Variants in GBF1 observed in about 807,000 individuals in gnomAD.
GBF1 encodes the protein golgi brefeldin A resistant guanine nucleotide exchange factor 1.
In GBF1, 114 loss-of-function variants were observed where a neutral mutation model predicts 210.5. The ratio of observed to expected loss-of-function variants is 0.54; its 90% CI spans 0.47 to 0.63. The LOEUF is 0.63. Among genes scored for constraint, GBF1 ranks in the 30% least tolerant of loss-of-function variants. The pLI is 0.00. For synonymous variants in GBF1, 850 were observed against 889.2 expected (o/e 0.96, Z 0.78); for missense variants, 1,851 against 2,357.7 (o/e 0.79, Z 4.45).
At chr10:102,327,523 TTCTTTG>T (rs1446098758) in intron 3 of GBF1, among the ~76,000 whole-genome samples, 1 of 152,154 alleles carries the variant, frequency 6.6e-6, no homozygotes, top group East Asian at 1.9e-4. Flanking sequence ...AATGGATAAA[TTCTTTG>T]GGAGTGAAGG....
rs2059713904 is a variant in GBF1 at position 102,363,268 on chromosome 10, C to T, written c.1889C>T (p.Ala630Val). 1 of 1,612,406 alleles carries T rather than the reference C, an allele frequency of 6.2e-7. No individual in the cohort carries two copies. The change falls in exon 16 of 40, where the codon GCC (alanine) becomes GTC (valine). Residue 630 changes from alanine to valine, a missense_variant. This residue lies in a region of GBF1 where 804 missense variants were observed against 958.6 expected (regional missense o/e 0.84). Transcript: ENST00000369983. This position sits in a 1 kb window ranked among gnomAD's most constrained non-coding sequence, Gnocchi z 4.2. The stretch of plus-strand genomic sequence containing the variant: ...TCTCTCTTACCAGCTGAGAGAACTG[C>T]CAGCGATGGGAAAGCTGTAGGCATG... The part of the protein sequence containing the change: ...TREASNTERT[A>V]SDGKAVGMAS...
chr10:102,274,517 C>T (rs1264459768), intron 3 of GBF1, among the ~76,000 whole-genome samples: 3 of 151,874 alleles, frequency 2.0e-5, no homozygotes, highest in African/African-American at 7.3e-5. Context: ...ATTAATCAGT[C>T]TGTGCATCAC....
Position 102,367,065 on chromosome 10 carries a change from C to T in GBF1, c.2434-20C>T, listed in dbSNP as rs768189250. The T allele has an allele frequency of 2.4e-5, 38 of 1,612,958 alleles. No homozygotes were observed. In the South Asian group the frequency reaches 2.6e-4, roughly 11 times the overall value. ...GGCCAGAGAAGGGCATTGACACAGGCGGGATCTTTGCTTTTTCAGAATTGT... is the reference window on the plus strand; with the variant it reads ...GGCCAGAGAAGGGCATTGACACAGGTGGGATCTTTGCTTTTTCAGAATTGT... On this transcript the variant is annotated intron_variant, in intron 19 of 39. Transcript: ENST00000369983.
At chr10:102,348,673 T>C (rs919509667) in intron 4 of GBF1, among the ~76,000 whole-genome samples, 2 of 152,154 alleles carry the variant, frequency 1.3e-5, no homozygotes, top group African/African-American at 2.4e-5. Flanking sequence ...CCCATTTTAT[T>C]ATATGTCATG....
chr10:102,380,483 C>T (rs752750222), intron 37 of GBF1, 23 bp from the exon 38 acceptor site: 15 of 1,608,270 alleles, frequency 9.3e-6, no homozygotes, highest in East Asian at 2.2e-5. Flanking sequence ...TTCCTATTCT[C>T]ATGGTCCCAC....
intron 11 of GBF1, among the ~76,000 whole-genome samples, chr10:102,359,747 T>C (rs1437314599): frequency 1.3e-5 from 2 of 149,762 alleles, no homozygotes; most frequent in Non-Finnish European, 3.0e-5. Flanking sequence ...AGTCCCCTCA[T>C]GTCCCCAGGA....
chr10:102,254,613 C>T (rs2072068075), intron 1 of GBF1, among the ~76,000 whole-genome samples: 1 of 152,150 alleles, frequency 6.6e-6, no homozygotes, highest in Non-Finnish European at 1.5e-5. Context: ...ATGTTCTAGA[C>T]CCAGCTTTAA....
intron 1 of GBF1, among the ~76,000 whole-genome samples, chr10:102,251,192 T>TA (rs1336841008): frequency 6.6e-6 from 1 of 152,168 alleles, no homozygotes; most frequent in Non-Finnish European, 1.5e-5. Context: ...AGCATTATGA[T>TA]ATGGCTGGTA....
chr10:102,382,212 T>C lies in GBF1; in HGVS notation c.5459T>C (p.Val1820Ala), dbSNP rs750430991. ...CAGCCCTTGGCCTCCCCACTGCAGG[T>C]GGGCGTGCCACCTATGACTCTGCCC... ...ILQPLASPLQ[V>A]GVPPMTLPII... is the part of the protein sequence containing the mutation. Residue 1820 changes from valine (V) to alanine (A), a missense_variant, in exon 40 of 40, where the codon GTG becomes GCG. Coordinates refer to ENST00000369983, the MANE Select transcript of GBF1 (RefSeq NM_001377137.1). 4 of 1,614,098 alleles carry C rather than the reference T, an allele frequency of 2.5e-6. No individual in the cohort carries two copies. The South Asian group carries it at 3.3e-5, about 13-fold the overall frequency.
At chr10:102,254,004 C>T (rs1406183948) in intron 1 of GBF1, among the ~76,000 whole-genome samples, 1 of 152,090 alleles carries the variant, frequency 6.6e-6, no homozygotes, top group Non-Finnish European at 1.5e-5. Flanking sequence ...GGTTATATGT[C>T]TAGTTCTTAT....
chr10:102,351,472 A>G, intron 5 of GBF1, 98 bp downstream of exon 5: 1 of 780,716 alleles, frequency 1.3e-6, no homozygotes, highest in Non-Finnish European at 2.3e-6. Context: ...TTTTGACTCC[A>G]CTGGGGCTTA....
At position 102,366,642 on chromosome 10, in the gene GBF1, A is replaced by C; in HGVS notation, c.2433+136A>C. On this transcript the variant is annotated intron_variant, in intron 19 of 39. Coordinates refer to ENST00000369983, the MANE Select transcript of GBF1 (RefSeq NM_001377137.1). This position sits in a 1 kb window ranked among gnomAD's most constrained non-coding sequence, Gnocchi z 4.0. ...CGCTCTGTCACCCAGGCTGGAGTGCAGTAGCGCAGTCTCAGCACACTGCAA... is the reference window on the plus strand; with the variant it reads ...CGCTCTGTCACCCAGGCTGGAGTGCCGTAGCGCAGTCTCAGCACACTGCAA... 1 of 768,540 alleles carries C rather than the reference A, an allele frequency of 1.3e-6. No individual in the cohort carries two copies. Among genetic ancestry groups the C allele is most frequent in the South Asian group, 1.9e-5 (1 of 52,996 alleles). 47.6% of individuals were successfully genotyped at this position (768,540 alleles called of 1,614,324 possible). A position where few individuals can be genotyped will look rare whatever the true frequency, so the allele number is the denominator to read the frequency against.
the GBF1 span, among the ~76,000 whole-genome samples, chr10:102,234,104 A>G: frequency 2.6e-5 from 4 of 152,186 alleles, no homozygotes; most frequent in African/African-American, 4.8e-5. Context: ...GCTGCACAGG[A>G]TGGCATTAAT....
At position 102,248,657 on chromosome 10, in the gene GBF1, A is replaced by G. The variant is rs957302212; in HGVS notation, c.-11+2876A>G. 3.3e-5 allele frequency among the ~76,000 whole-genome samples: 5 copies of G among 151,798 alleles called. No individual in the cohort carries two copies. The South Asian group carries it at 8.3e-4, about 25-fold the overall frequency. On this transcript the variant is annotated intron_variant, in intron 1 of 39. Transcript: ENST00000369983. ...TTAATTTTAATTTCTTTTTATTGAGACAGGGTCTTGCTCTGTCACCCCGGC... is the reference window on the plus strand; with the variant it reads ...TTAATTTTAATTTCTTTTTATTGAGGCAGGGTCTTGCTCTGTCACCCCGGC...
chr10:102,252,885 T>G (rs2071761829), intron 1 of GBF1, among the ~76,000 whole-genome samples: 1 of 151,966 alleles, frequency 6.6e-6, no homozygotes, highest in Non-Finnish European at 1.5e-5. Flanking sequence ...TTAGGGTCTT[T>G]TATTTTATTT....
At chr10:102,284,486 G>C (rs2075778412) in intron 3 of GBF1, among the ~76,000 whole-genome samples, 1 of 151,908 alleles carries the variant, frequency 6.6e-6, no homozygotes, top group Non-Finnish European at 1.5e-5. Flanking sequence ...TACCTATTCT[G>C]GATATTTCAT....
At chr10:102,294,505 C>A (rs1170437028) in intron 3 of GBF1, among the ~76,000 whole-genome samples, 3 of 151,960 alleles carry the variant, frequency 2.0e-5, no homozygotes, top group African/African-American at 7.3e-5. Flanking sequence ...CCTCAGCCTC[C>A]TGAGTAGATG....
At chr10:102,231,489 C>T in the GBF1 span, 8 of 780,178 alleles carry the variant, frequency 1.0e-5, no homozygotes, top group Non-Finnish European at 1.6e-5. Flanking sequence ...GTCCGGGGTC[C>T]GAGGGAGGGG....
rs750093427 is a variant in GBF1 at position 102,320,784 on chromosome 10, TA to T, written c.164-23266del. Among the ~76,000 whole-genome samples, 29 of 152,144 alleles carry T rather than the reference TA, an allele frequency of 1.9e-4. No individual in the cohort carries two copies. In the East Asian group the frequency reaches 5.4e-3, roughly 28 times the overall value. ...TCTACTTATTATATATTTTAGTTTTTATTTTTAATTCTTTTTTTTTTTAAAT... is the reference window on the plus strand; with the variant it reads ...TCTACTTATTATATATTTTAGTTTTTTTTTTAATTCTTTTTTTTTTTAAAT... On this transcript the variant is annotated intron_variant, in intron 3 of 39. Coordinates refer to ENST00000369983, the MANE Select transcript of GBF1 (RefSeq NM_001377137.1).
Sources: gnomAD v4.1 joint callset for allele counts (sites outside exome capture counted in the v4.1 genomes callset) on GRCh38, gnomAD v4.1.1 for gene constraint, gnomAD v4.1.1 regional missense constraint, Gnocchi (gnomAD v3.1) non-coding constraint, MANE v1.5 for transcripts, NCBI Gene and HGNC (gene_info 2026-07-23, HGNC 2026-07-21) for gene names.